The following ZNF560 variants were observed in gnomAD, a reference collection of about 807,000 sequenced individuals.
The protein encoded by ZNF560 is zinc finger protein 560.
ZNF560 carries 54 observed loss-of-function variants against 81.8 expected under a neutral mutation model. The observed-to-expected ratio is 0.66, with a 90% CI of 0.53 to 0.83. ZNF560 has a LOEUF of 0.83. Ranked by LOEUF, ZNF560 falls within the 40% of genes least tolerant of loss-of-function variation. The pLI is 0.00. For missense variants in ZNF560, 940 were observed against 932.4 expected (o/e 1.01, Z -0.11); for synonymous variants, 321 against 317.9 (o/e 1.01, Z -0.10).
intron 8 of ZNF560, among the ~76,000 whole-genome samples, 171 bp from the exon 9 acceptor site, chr19:9,469,358 T>G (rs2287698): frequency 0.15 from 23,355 of 152,156 alleles, 2,626 homozygotes; most frequent in African/African-American, 0.31. Flanking sequence ...ACATGATGGT[T>G]AACAGAAGCA....
chr19:9,467,025 G>C lies in ZNF560; in HGVS notation c.1922C>G (p.Ser641Cys). The C allele has an allele frequency of 4.3e-6, 7 of 1,614,034 alleles. No individual in the cohort carries two copies. Among genetic ancestry groups the C allele is most frequent in the Non-Finnish European group, 5.9e-6 (7 of 1,180,016 alleles). The part of the protein sequence containing the change: ...KDCGKAFVVS[S>C]SLVDHLRTHT... ...AGTTCTTAAATGATCAACTAGACTG[G>C]AGGAGACAACAAAGGCTTTCCCACA... Residue 641 changes from serine to cysteine, a missense_variant, in exon 10 of 10, where the codon TCC becomes TGC. Transcript: ENST00000301480.
chr19:9,468,451 T>C (rs1462621410), intron 9 of ZNF560, 117 bp from the exon 10 acceptor site: 8 of 714,386 alleles, frequency 1.1e-5, no homozygotes, highest in Non-Finnish European at 1.7e-5. Context: ...ATGCATATAG[T>C]TTCTACCTTT....
At chr19:9,493,012 G>A (rs538616328) in intron 2 of ZNF560, among the ~76,000 whole-genome samples, 2 of 152,300 alleles carry the variant, frequency 1.3e-5, no homozygotes, top group African/African-American at 4.8e-5. Flanking sequence ...ATAAGGAGGT[G>A]AGAGGGTATA....
intron 2 of ZNF560, among the ~76,000 whole-genome samples, chr19:9,494,888 A>C (rs958420986): frequency 6.6e-6 from 1 of 152,088 alleles, no homozygotes; most frequent in African/African-American, 2.4e-5. Context: ...GACAGCAATA[A>C]GAGTGAAACT....
At chr19:9,466,288 G>C (rs1443361799), downstream of ZNF560, among the ~76,000 whole-genome samples, 1 of 151,766 alleles carries the variant, frequency 6.6e-6, no homozygotes, top group Admixed American at 6.6e-5. Flanking sequence ...AGAGGTTGCA[G>C]TGAGCCAAGA....
chr19:9,493,518 C>T (rs879309541), intron 2 of ZNF560, among the ~76,000 whole-genome samples: 8 of 152,056 alleles, frequency 5.3e-5, no homozygotes, highest in Non-Finnish European at 1.0e-4. Context: ...GCGCCCGCCA[C>T]GCCCAACTAA....
chr19:9,475,378 G>T lies in ZNF560; in HGVS notation c.-56-9C>A. On this transcript the variant is annotated splice_polypyrimidine_tract_variant and intron_variant, in intron 2 of 9. Coordinates refer to ENST00000301480, the MANE Select transcript of ZNF560 (RefSeq NM_152476.3). ...TGGGTTCCTAGAAAGACCTGGAAAAGAAAGAAGGCATAAGAGCCCAGACAT... is the reference window on the plus strand; with the variant it reads ...TGGGTTCCTAGAAAGACCTGGAAAATAAAGAAGGCATAAGAGCCCAGACAT... The T allele has an allele frequency of 6.5e-7, 1 of 1,535,674 alleles. No individual in the cohort carries two copies. The highest frequency in any genetic ancestry group is 9.0e-7 in the Non-Finnish European group (1 of 1,113,528).
rs1225055118 is a variant in ZNF560, at chr19:9,475,302, G to A, written c.12C>T (p.Cys4=). The change falls in exon 3 of 10, where the codon TGC becomes TGT. Residue 4 remains cysteine (C), a synonymous_variant. Coordinates refer to ENST00000301480, the MANE Select transcript of ZNF560 (RefSeq NM_152476.3). MAY[C]LTNCYQYSVT... ...TGCATACCTGATAACAATTTGTCAG[G>A]CAGTAAGCCATCTTCCTTTCTGCCT... 6.2e-7 allele frequency: 1 copy of A among 1,613,698 alleles called. No homozygotes were observed. The highest frequency in any genetic ancestry group is 8.5e-7 in the Non-Finnish European group (1 of 1,179,930).
chr19:9,472,805 CCT>C (rs1488058005), intron 5 of ZNF560, among the ~76,000 whole-genome samples: 1 of 152,000 alleles, frequency 6.6e-6, no homozygotes, highest in Non-Finnish European at 1.5e-5. Context: ...AAACAATATC[CCT>C]GAGACCTGGT....
intron 2 of ZNF560, among the ~76,000 whole-genome samples, chr19:9,483,075 C>T (rs547181012): frequency 6.6e-6 from 1 of 151,954 alleles, no homozygotes; most frequent in Non-Finnish European, 1.5e-5. Context: ...AGCCTCTGCC[C>T]GGCCGCCACC....
chr19:9,488,055 G>A (rs1452654016), intron 2 of ZNF560, among the ~76,000 whole-genome samples: 1 of 152,112 alleles, frequency 6.6e-6, no homozygotes, highest in African/African-American at 2.4e-5. Context: ...TTTGGGTCAT[G>A]GGGGTAGATC....
At position 9,467,277 on chromosome 19, in the gene ZNF560, G is replaced by A. The variant is rs1250729851; in HGVS notation, c.1670C>T (p.Ser557Leu). The change falls in exon 10 of 10, where the codon TCA becomes TTA. Residue 557 changes from serine (S) to leucine (L), a missense_variant. By Grantham distance (145) the Ser-to-Leu change is moderately radical. Coordinates refer to ENST00000301480, the MANE Select transcript of ZNF560 (RefSeq NM_152476.3). ...TGTTCGTAAATGTTTGGTAAGATAT[G>A]AGCACTTAGTGAAAGCTTTACCACA... ...KKCGKAFTKC[S>L]YLTKHLRTHA... is the part of the protein sequence containing the mutation. The A allele has an allele frequency of 6.2e-7, 1 of 1,614,128 alleles. No homozygotes were observed. Among genetic ancestry groups the A allele is most frequent in the East Asian group, 2.2e-5 (1 of 44,876 alleles).
Position 9,474,288 on chromosome 19 carries a change from G to T in ZNF560, c.68C>A (p.Thr23Asn). 6.2e-7 allele frequency: 1 copy of T among 1,614,052 alleles called. No homozygotes were observed. The highest frequency in any genetic ancestry group is 8.5e-7 in the Non-Finnish European group (1 of 1,179,970). ...VTFEDTAVDF[T>N]QEEWILLDPV... The stretch of plus-strand genomic sequence containing the variant: ...GTCCAGTAAAATCCACTCCTCCTGG[G>T]TGAAGTCCACAGCTGTATCCTCAAA... The change falls in exon 4 of 10, where the codon ACC (threonine) becomes AAC (asparagine). Residue 23 changes from threonine to asparagine, a missense_variant. By Grantham distance (65) the Thr-to-Asn change is moderately conservative. Coordinates refer to ENST00000301480, the MANE Select transcript of ZNF560 (RefSeq NM_152476.3).
chr19:9,464,073 G>C (rs2072977346), downstream of ZNF560, among the ~76,000 whole-genome samples: 1 of 152,104 alleles, frequency 6.6e-6, no homozygotes, highest in African/African-American at 2.4e-5. Flanking sequence ...AGAAACAACA[G>C]CCTTAATTGC....
In ZNF560 at chr19:9,475,271, A is replaced by G. The variant is rs527262808; in HGVS notation, c.30+13T>C. The G allele has an allele frequency of 1.4e-5, 22 of 1,613,462 alleles. 1 individual carries two copies. In the South Asian group the frequency reaches 1.8e-4, roughly 13 times the overall value. On this transcript the variant is annotated intron_variant, in intron 3 of 9. Transcript: ENST00000301480. ...AGTATGTCATTTTGTGGAAGTATAC[A>G]TTTTCTGCATACCTGATAACAATTT...
chr19:9,483,084 C>A (rs2073319048), intron 2 of ZNF560, among the ~76,000 whole-genome samples: 2 of 151,916 alleles, frequency 1.3e-5, no homozygotes, highest in Non-Finnish European at 2.9e-5. Flanking sequence ...CCGGCCGCCA[C>A]CCCGTCTGGG....
intron 3 of ZNF560, among the ~76,000 whole-genome samples, chr19:9,474,650 C>T (rs975786644): frequency 6.6e-6 from 1 of 151,968 alleles, no homozygotes; most frequent in Non-Finnish European, 1.5e-5. Flanking sequence ...TGATAAACAG[C>T]GATGAATGAT....
the ZNF560 span, among the ~76,000 whole-genome samples, chr19:9,460,121 G>A: frequency 1.3e-5 from 2 of 152,170 alleles, no homozygotes; most frequent in Admixed American, 6.5e-5. Context: ...GGGTGCCATC[G>A]AGATATCTAA....
the ZNF560 span, among the ~76,000 whole-genome samples, chr19:9,447,239 G>A: frequency 6.6e-6 from 1 of 151,688 alleles, no homozygotes; most frequent in African/African-American, 2.4e-5. Context: ...CCAACAATCT[G>A]ACACAGATTA....
Sources: allele counts gnomAD v4.1 joint callset (sites outside exome capture counted in the v4.1 genomes callset), GRCh38; gene constraint gnomAD v4.1.1; transcripts MANE v1.5; gene names NCBI Gene and HGNC (gene_info 2026-07-23, HGNC 2026-07-21).